PARD6G: variants seen among roughly 807,000 people sequenced by gnomAD.
PARD6G encodes partitioning defective 6 homolog gamma.
Under a neutral mutation model 10.7 loss-of-function variants are expected in PARD6G, and 7 were observed. That is an observed-to-expected ratio of 0.66 (90% CI 0.37 to 1.23). The LOEUF is 1.23. Among genes scored for constraint, PARD6G ranks in the 50% most tolerant of loss-of-function variants. PARD6G has a pLI of 0.02. For synonymous variants in PARD6G, 287 were observed against 269.4 expected (o/e 1.07, Z -0.64); for missense variants, 548 against 571.8 (o/e 0.96, Z 0.42).
chr18:80,247,356 G>A lies in PARD6G; in HGVS notation c.-8C>T. The A allele has an allele frequency of 6.4e-7, 1 of 1,561,986 alleles. No homozygotes were observed. Among genetic ancestry groups the A allele is most frequent in the Admixed American group, 1.8e-5 (1 of 54,790 alleles). Reference sequence around the variant, plus strand: ...GTGAAAACTTCGGTTCATGGTTTCGGCCCCGGTCAGCCTCGCCGTCGCCCT... The same window carrying A: ...GTGAAAACTTCGGTTCATGGTTTCGACCCCGGTCAGCCTCGCCGTCGCCCT... On this transcript the variant is annotated 5_prime_UTR_variant, in exon 1 of 3. Transcript: ENST00000353265. The surrounding 1 kb of genome is among the most constrained non-coding windows in gnomAD (Gnocchi z 4.2).
chr18:80,179,636 G>A (rs566767301), intron 2 of PARD6G, among the ~76,000 whole-genome samples: 61 of 152,324 alleles, frequency 4.0e-4, no homozygotes, highest in African/African-American at 1.3e-3. Context: ...TTAGGAGCAT[G>A]AGTTTCACAA....
In PARD6G at chr18:80,160,017, G is replaced by A. The variant is rs1357707724; in HGVS notation, c.885C>T (p.Ser295=). 2 of 1,531,296 alleles carry A rather than the reference G, an allele frequency of 1.3e-6. No individual in the cohort carries two copies. The highest frequency in any genetic ancestry group is 1.7e-6 in the Non-Finnish European group (2 of 1,145,904). The allele number at this position is 1,531,296 out of a possible 1,614,324, so 94.9% of individuals were successfully genotyped here. Reference sequence around the variant, plus strand: ...CGATGACGACGTCGTTGTCCTCATCGCTCTCCGCCTCGTCGGGGTGGAAGT... The same window carrying A: ...CGATGACGACGTCGTTGTCCTCATCACTCTCCGCCTCGTCGGGGTGGAAGT... ...LQNFHPDEAE[S]DEDNDVVIEG... is the part of the protein sequence containing the mutation. Residue 295 remains serine, a synonymous_variant, in exon 3 of 3, where the codon AGC becomes AGT. Coordinates refer to ENST00000353265, the MANE Select transcript of PARD6G (RefSeq NM_032510.4).
At chr18:80,223,844 A>G (rs1270642458) in intron 1 of PARD6G, among the ~76,000 whole-genome samples, 1 of 152,172 alleles carries the variant, frequency 6.6e-6, no homozygotes, top group Non-Finnish European at 1.5e-5. Context: ...CACACAACCC[A>G]TTTAGAAGAT....
chr18:80,173,885 C>T lies in PARD6G; in HGVS notation c.296-13279G>A, dbSNP rs561132325. On this transcript the variant is annotated intron_variant, in intron 2 of 2. Transcript: ENST00000353265. The stretch of plus-strand genomic sequence containing the variant: ...CGCATGGCTACTGCCTCACAGAAGC[C>T]ACTGAGTTATTAGTCCTGGGGCAGT... Among the ~76,000 whole-genome samples, 8 of 152,292 alleles carry T rather than the reference C, an allele frequency of 5.3e-5. No homozygotes were observed. The South Asian group carries it at 1.4e-3, about 28-fold the overall frequency.
intron 1 of PARD6G, among the ~76,000 whole-genome samples, chr18:80,234,202 T>C (rs1967393179): frequency 6.6e-6 from 1 of 152,156 alleles, no homozygotes; most frequent in African/African-American, 2.4e-5. Context: ...CCTGGACCTC[T>C]GGCACAGTGT....
At chr18:80,233,663 G>T (rs1020459608) in intron 1 of PARD6G, among the ~76,000 whole-genome samples, 1 of 152,138 alleles carries the variant, frequency 6.6e-6, no homozygotes, top group African/African-American at 2.4e-5. Context: ...AATGACAGCT[G>T]TAACAGCCCC....
intron 1 of PARD6G, among the ~76,000 whole-genome samples, chr18:80,226,603 T>C (rs1568442219): frequency 6.6e-6 from 1 of 152,204 alleles, no homozygotes; most frequent in Admixed American, 6.6e-5. Context: ...TAATTGTATA[T>C]TTTGAAAACA....
intron 1 of PARD6G, among the ~76,000 whole-genome samples, chr18:80,226,352 T>C (rs894917681): frequency 6.6e-6 from 1 of 151,924 alleles, no homozygotes; most frequent in Non-Finnish European, 1.5e-5. Flanking sequence ...GCATTTTTAG[T>C]AGAGACGGGG....
At chr18:80,235,745 A>C (rs1967414570) in intron 1 of PARD6G, among the ~76,000 whole-genome samples, 2 of 152,228 alleles carry the variant, frequency 1.3e-5, no homozygotes, top group Admixed American at 1.3e-4. Context: ...AAACTAGAAA[A>C]TCTAGAAGAA....
rs1179236525 is a variant in PARD6G, at chr18:80,180,024, G to A, written c.296-19418C>T. Among the ~76,000 whole-genome samples, 1 of 152,230 alleles carries A rather than the reference G, an allele frequency of 6.6e-6. No homozygotes were observed. Among genetic ancestry groups the A allele is most frequent in the Non-Finnish European group, 1.5e-5 (1 of 68,048 alleles). On this transcript the variant is annotated intron_variant, in intron 2 of 2. Coordinates refer to ENST00000353265, the MANE Select transcript of PARD6G (RefSeq NM_032510.4). This position sits in a 1 kb window ranked among gnomAD's most constrained non-coding sequence, Gnocchi z 5.6. ...TGTCTAGGGGGGCAGAGCCTGACGG[G>A]AACGCCCCATTGTGCCTCAGAACGA...
chr18:80,188,932 T>C lies in PARD6G; in HGVS notation c.295+13778A>G, dbSNP rs2052893779. On this transcript the variant is annotated intron_variant, in intron 2 of 2. Transcript: ENST00000353265. This position sits in a 1 kb window ranked among gnomAD's most constrained non-coding sequence, Gnocchi z 5.4. ...ACACAAGAGTGACCTGGGGGGTGAA[T>C]GCAGACATGGGAAGAGTAGTGCTCA... Among the ~76,000 whole-genome samples the C allele has an allele frequency of 6.6e-6, 1 of 152,076 alleles. No individual in the cohort carries two copies. Among genetic ancestry groups the C allele is most frequent in the Non-Finnish European group, 1.5e-5 (1 of 68,010 alleles).
rs1465572126 is a variant in PARD6G at position 80,182,003 on chromosome 18, A to G, written c.295+20707T>C. ...AGAGCTCTCGCAGGCCTCGTGTTCA[A>G]CTCCTCATCTTGCCACCTGCTTTTG... On this transcript the variant is annotated intron_variant, in intron 2 of 2. Coordinates refer to ENST00000353265, the MANE Select transcript of PARD6G (RefSeq NM_032510.4). This position sits in a 1 kb window ranked among gnomAD's most constrained non-coding sequence, Gnocchi z 4.5. Among the ~76,000 whole-genome samples, 6 of 152,006 alleles carry G rather than the reference A, an allele frequency of 3.9e-5. No homozygotes were observed. Among genetic ancestry groups the G allele is most frequent in the Admixed American group, 3.3e-4 (5 of 15,256 alleles).
intron 2 of PARD6G, among the ~76,000 whole-genome samples, chr18:80,196,495 T>G (rs1966957193): frequency 6.6e-6 from 1 of 152,190 alleles, no homozygotes. Flanking sequence ...TATAAATACA[T>G]TATGGGTTTA....
intron 1 of PARD6G, among the ~76,000 whole-genome samples, chr18:80,219,706 C>A (rs1346692073): frequency 6.6e-6 from 1 of 152,178 alleles, no homozygotes; most frequent in Non-Finnish European, 1.5e-5. Flanking sequence ...GACCTTTACT[C>A]CAGTTCCCAA....
Position 80,246,347 on chromosome 18 carries a change from T to A in PARD6G, c.72+930A>T, listed in dbSNP as rs1330848905. On this transcript the variant is annotated intron_variant, in intron 1 of 2. Coordinates refer to ENST00000353265, the MANE Select transcript of PARD6G (RefSeq NM_032510.4). This position sits in a 1 kb window ranked among gnomAD's most constrained non-coding sequence, Gnocchi z 6.7. ...AAGGAGACCCTCACAAACAATAGCA[T>A]CTGCGGCGAAGGAACCACCCCCGCA... Among the ~76,000 whole-genome samples, 1 of 152,080 alleles carries A rather than the reference T, an allele frequency of 6.6e-6. No homozygotes were observed. The highest frequency in any genetic ancestry group is 2.4e-5 in the African/African-American group (1 of 41,404).
intron 1 of PARD6G, among the ~76,000 whole-genome samples, chr18:80,236,678 A>C (rs528830756): frequency 3.9e-5 from 6 of 152,362 alleles, no homozygotes; most frequent in African/African-American, 1.4e-4. Context: ...ATCGATGTGC[A>C]GAAATCACAA....
chr18:80,193,777 C>G (rs1175350092), intron 2 of PARD6G, among the ~76,000 whole-genome samples: 3 of 152,304 alleles, frequency 2.0e-5, no homozygotes. Flanking sequence ...GCAGGAAGTA[C>G]TGGCAGGAAG....
chr18:80,191,427 T>C (rs1219534612), intron 2 of PARD6G, among the ~76,000 whole-genome samples: 3 of 152,120 alleles, frequency 2.0e-5, no homozygotes, highest in Non-Finnish European at 4.4e-5. Context: ...GCCACTCAGA[T>C]TGGGATGGAG....
intron 2 of PARD6G, among the ~76,000 whole-genome samples, chr18:80,174,543 C>G (rs188421217): frequency 1.7e-3 from 266 of 152,340 alleles, no homozygotes; most frequent in African/African-American, 6.0e-3. Context: ...CTCATGGATG[C>G]AGCCCACATT....
Sources: allele counts gnomAD v4.1 joint callset (sites outside exome capture counted in the v4.1 genomes callset), GRCh38; gene constraint gnomAD v4.1.1; non-coding constraint Gnocchi (gnomAD v3.1); transcripts MANE v1.5; gene names NCBI Gene and HGNC (gene_info 2026-07-23, HGNC 2026-07-21).